Variants in CNTRL observed in about 807,000 individuals in gnomAD.
CNTRL encodes 110 kDa centrosomal protein.
CNTRL carries 233 observed loss-of-function variants against 303.7 expected under a neutral mutation model. That is an observed-to-expected ratio of 0.77 (90% CI 0.69 to 0.86). The LOEUF is 0.86. Ranked by LOEUF, CNTRL falls within the 40% of genes least tolerant of loss-of-function variation. The pLI, the probability that CNTRL is intolerant of heterozygous loss-of-function variation, is 0.00. For missense variants in CNTRL, 2,524 were observed against 2,650.6 expected (o/e 0.95, Z 1.05); for synonymous variants, 900 against 922.2 (o/e 0.98, Z 0.44).
intron 12 of CNTRL, among the ~76,000 whole-genome samples, chr9:121,120,094 C>T (rs1193244758): frequency 6.6e-6 from 1 of 151,480 alleles, no homozygotes; most frequent in African/African-American, 2.4e-5. Context: ...TCTACATATT[C>T]TCCTGGTATA....
At chr9:121,103,900 A>G (rs1041257239) in intron 7 of CNTRL, among the ~76,000 whole-genome samples, 1 of 152,218 alleles carries the variant, frequency 6.6e-6, no homozygotes, top group East Asian at 1.9e-4. Context: ...GGATGTGGAG[A>G]AATAGGAACA....
chr9:121,093,442 A>C (rs751837511), intron 4 of CNTRL, among the ~76,000 whole-genome samples: 4 of 152,216 alleles, frequency 2.6e-5, no homozygotes, highest in Non-Finnish European at 4.4e-5. Context: ...TTGCTTAACC[A>C]GTAAGTATAA....
intron 14 of CNTRL, among the ~76,000 whole-genome samples, chr9:121,135,437 A>G (rs2051132608): frequency 6.6e-6 from 1 of 152,278 alleles, no homozygotes; most frequent in Non-Finnish European, 1.5e-5. Context: ...GATACAATGA[A>G]ATAATGAATA....
intron 1 of CNTRL, among the ~76,000 whole-genome samples, chr9:121,079,356 T>G (rs924966252): frequency 2.0e-5 from 3 of 152,174 alleles, no homozygotes; most frequent in African/African-American, 7.2e-5. Context: ...ACAGATACAT[T>G]TAAGTTCACA....
intron 7 of CNTRL, among the ~76,000 whole-genome samples, chr9:121,105,700 G>A (rs1230403173): frequency 6.6e-6 from 1 of 152,170 alleles, no homozygotes; most frequent in Admixed American, 6.5e-5. Flanking sequence ...AGAGGAAGTG[G>A]TCAACTCTGT....
chr9:121,091,103 A>G (rs1280421514), intron 4 of CNTRL, among the ~76,000 whole-genome samples: 1 of 152,228 alleles, frequency 6.6e-6, no homozygotes, highest in Non-Finnish European at 1.5e-5. Flanking sequence ...GGTCCCTCCC[A>G]CAACACATGG....
chr9:121,117,904 G>A (rs1020712209), intron 11 of CNTRL, among the ~76,000 whole-genome samples: 4 of 151,778 alleles, frequency 2.6e-5, no homozygotes, highest in Admixed American at 1.3e-4. Flanking sequence ...GCGTGAACCC[G>A]GGATGCAGAG....
At chr9:121,093,034 C>T (rs769263867) in intron 4 of CNTRL, among the ~76,000 whole-genome samples, 3 of 150,896 alleles carry the variant, frequency 2.0e-5, no homozygotes, top group Non-Finnish European at 2.9e-5. Flanking sequence ...GTCTCGATCT[C>T]CTGACCTTGT....
intron 27 of CNTRL, 98 bp from the exon 28 acceptor site, chr9:121,157,372 C>A: frequency 8.2e-7 from 1 of 1,221,626 alleles, no homozygotes; most frequent in Non-Finnish European, 1.1e-6. Flanking sequence ...TCTTTCTGTA[C>A]CATCTTGTTT....
At chr9:121,157,048 C>T (rs1367218014) in intron 27 of CNTRL, among the ~76,000 whole-genome samples, 1 of 152,126 alleles carries the variant, frequency 6.6e-6, no homozygotes, top group Non-Finnish European at 1.5e-5. Flanking sequence ...TTTCAAATGA[C>T]TGTATTTATT....
At chr9:121,084,546 A>AT (rs375734045) in intron 2 of CNTRL, among the ~76,000 whole-genome samples, 43,223 of 145,336 alleles carry the variant, frequency 0.3, 6,687 homozygotes, top group East Asian at 0.4. Flanking sequence ...AGAGGATGTC[A>AT]TTTTTTTTTT....
chr9:121,144,891 AGAGATCTCACCCGAGCAGAAGCT>A lies in CNTRL; in HGVS notation c.3107_3129del (p.Leu1036ArgfsTer17). On this transcript the variant is annotated frameshift_variant, in exon 21 of 44. Coordinates refer to ENST00000373855, the MANE Select transcript of CNTRL (RefSeq NM_007018.6). LOFTEE classifies it high-confidence loss of function. ...CAGCAGAAAGGCAGCACAAGCAGCC[AGAGATCTCACCCGAGCAGAAGCT>A]GAGATCGAACTCCTGCAGAATCTCC... 6.2e-7 allele frequency: 1 copy of A among 1,613,540 alleles called. No homozygotes were observed. The highest frequency in any genetic ancestry group is 8.5e-7 in the Non-Finnish European group (1 of 1,179,972).
intron 26 of CNTRL, among the ~76,000 whole-genome samples, chr9:121,153,820 G>A (rs932014458): frequency 3.9e-5 from 6 of 152,220 alleles, no homozygotes; most frequent in Non-Finnish European, 8.8e-5. Context: ...GTAAGACGTG[G>A]TCACTGCCAT....
At chr9:121,168,005 T>C (rs1005252173) in intron 37 of CNTRL, 91 bp from the exon 38 acceptor site, 9 of 1,112,478 alleles carry the variant, frequency 8.1e-6, no homozygotes, top group Non-Finnish European at 1.0e-5. Flanking sequence ...TCTTCTACTT[T>C]CTTTTGACCT....
chr9:121,097,802 T>C (rs73662480), intron 6 of CNTRL, among the ~76,000 whole-genome samples: 341 of 152,322 alleles, frequency 2.2e-3, no homozygotes, highest in African/African-American at 7.9e-3. Flanking sequence ...CCTCACCCCA[T>C]TGATATTTGA....
At chr9:121,117,478 AT>A (rs2050031107) in intron 11 of CNTRL, among the ~76,000 whole-genome samples, 1 of 152,166 alleles carries the variant, frequency 6.6e-6, no homozygotes, top group African/African-American at 2.4e-5. Flanking sequence ...TACTCAATTT[AT>A]TGGTTGACTA....
In CNTRL at chr9:121,173,682, A is replaced by T. The variant is rs200518253; in HGVS notation, c.6692A>T (p.His2231Leu). The T allele has an allele frequency of 7.4e-6, 12 of 1,614,184 alleles. No individual in the cohort carries two copies. Among genetic ancestry groups the T allele is most frequent in the Non-Finnish European group, 9.3e-6 (11 of 1,180,010 alleles). The change falls in exon 42 of 44, where the codon CAC becomes CTC. Residue 2231 changes from histidine to leucine, a missense_variant. His to Leu is a moderately conservative substitution (Grantham distance 99). Coordinates refer to ENST00000373855, the MANE Select transcript of CNTRL (RefSeq NM_007018.6). ...NFSQVHIMDE[H>L]WRGEALREKL... ...ATTTTCCCTCTGAGAAAGGATGAACACTGGCGTGGAGAAGCACTCCGGGAG... is the reference window on the plus strand; with the variant it reads ...ATTTTCCCTCTGAGAAAGGATGAACTCTGGCGTGGAGAAGCACTCCGGGAG...
chr9:121,133,613 G>T (rs539051652), intron 14 of CNTRL, among the ~76,000 whole-genome samples: 1 of 152,322 alleles, frequency 6.6e-6, no homozygotes, highest in South Asian at 2.1e-4. Flanking sequence ...TTTCCTGGGT[G>T]AGGCGATGCC....
chr9:121,086,226 G>A (rs533390070), intron 2 of CNTRL, among the ~76,000 whole-genome samples: 40 of 152,248 alleles, frequency 2.6e-4, no homozygotes, highest in Admixed American at 1.8e-3. Context: ...TGCTAGACTC[G>A]GGAGACAGTG....
Sources: gnomAD v4.1 joint callset for allele counts (sites outside exome capture counted in the v4.1 genomes callset) on GRCh38, gnomAD v4.1.1 for gene constraint, MANE v1.5 for transcripts, NCBI Gene and HGNC (gene_info 2026-07-23, HGNC 2026-07-21) for gene names.